The following CROCC2 variants were observed in gnomAD, a reference collection of about 807,000 sequenced individuals.
The protein encoded by CROCC2 is ciliary rootlet coiled-coil, rootletin family member 2.
Under a neutral mutation model 177.6 loss-of-function variants are expected in CROCC2, and 163 were observed. The ratio of observed to expected loss-of-function variants is 0.92; its 90% CI spans 0.81 to 1.05. The LOEUF (loss-of-function observed/expected upper bound fraction) is 1.05. Among genes scored for constraint, CROCC2 ranks in the 50% least tolerant of loss-of-function variants. The probability of loss-of-function intolerance (pLI) is 0.00; values close to 1 mark genes in which losing one functional copy is unlikely to be tolerated. For synonymous variants in CROCC2, 904 were observed against 787.3 expected, an observed-to-expected ratio of 1.15 and a Z score of -2.48; for missense variants, 1,929 against 1,797.8, an observed-to-expected ratio of 1.07 and a Z score of -1.32.
rs2059522714 is a variant in CROCC2 at position 240,946,161 on chromosome 2, T to G, written c.2271T>G (p.Asp757Glu). Residue 757 changes from aspartate (D) to glutamate (E), a missense_variant, in exon 15 of 32, where the codon GAT becomes GAG. Coordinates refer to ENST00000690015, the MANE Select transcript of CROCC2 (RefSeq NM_001351305.2). The stretch of plus-strand genomic sequence containing the variant: ...TGCAGCAAGCCCTGCAAGGAAAGGA[T>G]GCTCTGTCTGAGGAGCGGGCCCAGC... ...GTLQQALQGK[D>E]ALSEERAQLL... 1.3e-6 allele frequency: 2 copies of G among 1,548,744 alleles called. No homozygotes were observed. The highest frequency in any genetic ancestry group is 1.7e-6 in the Non-Finnish European group (2 of 1,145,452).
intron 22 of CROCC2, 129 bp downstream of exon 22, chr2:240,964,754 G>A: frequency 8.4e-7 from 1 of 1,184,514 alleles, no homozygotes; most frequent in Non-Finnish European, 1.2e-6. Flanking sequence ...CCAGACTTTG[G>A]GCCACGCCCT....
chr2:240,986,342 T>G (rs1421033613), intron 28 of CROCC2, among the ~76,000 whole-genome samples: 1 of 152,166 alleles, frequency 6.6e-6, no homozygotes, highest in Non-Finnish European at 1.5e-5. Context: ...TGGGCCCTGT[T>G]GCCCACTACC....
intron 1 of CROCC2, among the ~76,000 whole-genome samples, chr2:240,911,301 T>TTC (rs1169877107): frequency 6.8e-6 from 1 of 148,070 alleles, no homozygotes; most frequent in African/African-American, 2.5e-5. Context: ...CACAACTTTT[T>TTC]TTTTTTTTTT....
rs1322805962 is a variant in CROCC2, at chr2:240,965,391, T to C, written c.3476T>C (p.Leu1159Pro). ...GCCCCACGCTCCCAGGTGAGGACAC[T>C]GAAGGCCGAGAACCAGAGGAGGAGT... ...LRELHRQVRT[L>P]KAENQRRSGE... Residue 1159 changes from leucine to proline, a missense_variant, in exon 23 of 32, where the codon CTG (leucine) becomes CCG (proline). By Grantham distance (98) the Leu-to-Pro change is moderately conservative. Transcript: ENST00000690015. 1.9e-6 allele frequency: 3 copies of C among 1,549,418 alleles called. No individual in the cohort carries two copies. In the African/African-American group the frequency reaches 4.1e-5, roughly 21 times the overall value.
rs1341798921 is a variant in CROCC2, at chr2:240,961,808, CACAT to C, written c.3088-1744_3088-1741del. ...ACACACACGCACTCACACATACACTCACATACACTCACACACACGCACGCACACA... is the reference window on the plus strand; with the variant it reads ...ACACACACGCACTCACACATACACTCACACTCACACACACGCACGCACACA... On this transcript the variant is annotated intron_variant, in intron 20 of 31. Coordinates refer to ENST00000690015, the MANE Select transcript of CROCC2 (RefSeq NM_001351305.2). Among the ~76,000 whole-genome samples the C allele has an allele frequency of 5.4e-3, 399 of 74,218 alleles. 12 individuals are homozygous for C. The highest frequency in any genetic ancestry group is 0.015 in the East Asian group (42 of 2,874). 48.7% of individuals were successfully genotyped at this position (74,218 alleles called of 152,430 possible).
intron 17 of CROCC2, among the ~76,000 whole-genome samples, 188 bp from the exon 18 acceptor site, chr2:240,950,146 C>G (rs1179375197): frequency 6.6e-6 from 1 of 152,164 alleles, no homozygotes; most frequent in African/African-American, 2.4e-5. Flanking sequence ...GGTGCTGAGA[C>G]ACAGAGAGGC....
chr2:240,962,487 G>T (rs975844976), intron 20 of CROCC2, among the ~76,000 whole-genome samples: 1 of 152,124 alleles, frequency 6.6e-6, no homozygotes, highest in African/African-American at 2.4e-5. Flanking sequence ...CACGTGTGGG[G>T]GTGGAGGGGA....
At chr2:240,921,433 TGGGGAGGCCTTG>T (rs959868940) in intron 3 of CROCC2, among the ~76,000 whole-genome samples, 1 of 151,952 alleles carries the variant, frequency 6.6e-6, no homozygotes, top group African/African-American at 2.4e-5. Flanking sequence ...CCTACAGCTG[TGGGGAGGCCTTG>T]GGGGAGGCAT....
At chr2:240,983,201 C>T in intron 28 of CROCC2, 172 bp downstream of exon 28, 2 of 847,666 alleles carry the variant, frequency 2.4e-6, no homozygotes, top group Non-Finnish European at 1.8e-6. Flanking sequence ...CCATCCAGTC[C>T]CCCGCTGACA....
Position 240,934,930 on chromosome 2 carries a change from T to C in CROCC2, c.1806T>C (p.Asn602=). ...RSALARAECS[N]ADLELLVRRL... is the part of the protein sequence containing the mutation. ...CCCTGCCCCAGGCCGAGTGCAGCAA[T>C]GCGGACCTGGAGCTTCTTGTGAGGC... The change falls in exon 13 of 32, where the codon AAT becomes AAC. Residue 602 remains asparagine (N), a synonymous_variant. Coordinates refer to ENST00000690015, the MANE Select transcript of CROCC2 (RefSeq NM_001351305.2). The C allele has an allele frequency of 1.3e-6, 2 of 1,520,240 alleles. No individual in the cohort carries two copies. The highest frequency in any genetic ancestry group is 1.4e-5 in the African/African-American group (1 of 71,170). The allele number at this position is 1,520,240 out of a possible 1,614,324, so 94.2% of individuals were successfully genotyped here. A position where few individuals can be genotyped will look rare whatever the true frequency, so the allele number is the denominator to read the frequency against.
At chr2:240,913,294 A>G (rs1358509295) in intron 1 of CROCC2, among the ~76,000 whole-genome samples, 2 of 150,366 alleles carry the variant, frequency 1.3e-5, no homozygotes, top group Non-Finnish European at 3.0e-5. Flanking sequence ...CTCCACATGG[A>G]CACAGTGCCC....
At chr2:240,983,737 C>A in intron 28 of CROCC2, 2 of 711,706 alleles carry the variant, frequency 2.8e-6, no homozygotes, top group Admixed American at 2.7e-5. Context: ...CAGGTGGCCA[C>A]AGCCCTGCCA....
chr2:240,919,761 G>A (rs528425571), intron 2 of CROCC2, among the ~76,000 whole-genome samples: 1 of 106,160 alleles, frequency 9.4e-6, no homozygotes, highest in East Asian at 2.7e-4. Flanking sequence ...CGAGGTGGTA[G>A]GATTGCAGTT....
rs1204991241 is a variant in CROCC2, at chr2:240,928,140, C to A, written c.646-2026C>A. The stretch of plus-strand genomic sequence containing the variant: ...TGATTTTTTATTTTTTAACTAAGAG[C>A]TGCTTATTTTCCTTGGAACTCTGTG... On this transcript the variant is annotated intron_variant, in intron 5 of 31. Coordinates refer to ENST00000690015, the MANE Select transcript of CROCC2 (RefSeq NM_001351305.2). Among the ~76,000 whole-genome samples the A allele has an allele frequency of 2.6e-5, 4 of 152,094 alleles. No homozygotes were observed. In the East Asian group the frequency reaches 7.7e-4, roughly 29 times the overall value.
chr2:240,930,325 C>T (rs759521081), intron 6 of CROCC2, 56 bp downstream of exon 6: 26 of 475,720 alleles, frequency 5.5e-5, no homozygotes, highest in Non-Finnish European at 8.5e-5. Flanking sequence ...GAGCTGAAAC[C>T]CCCTTGGGGA....
In CROCC2 at chr2:240,949,192, T is replaced by A; in HGVS notation, c.2482+95T>A. ...CAGTGCCCACACGTGCTGCACCCCC[T>A]CTCCGGAGCCCACAGGGGCATGAAC... On this transcript the variant is annotated intron_variant, in intron 16 of 31. Transcript: ENST00000690015. This position sits in a 1 kb window ranked among gnomAD's most constrained non-coding sequence, Gnocchi z 4.5. The A allele has an allele frequency of 6.9e-7, 1 of 1,446,158 alleles. No individual in the cohort carries two copies. Among genetic ancestry groups the A allele is most frequent in the Non-Finnish European group, 9.1e-7 (1 of 1,104,432 alleles). 89.6% of individuals were successfully genotyped at this position (1,446,158 alleles called of 1,614,324 possible).
At position 240,946,117 on chromosome 2, in the gene CROCC2, G is replaced by C; in HGVS notation, c.2227G>C (p.Glu743Gln). 6.5e-7 allele frequency: 1 copy of C among 1,541,690 alleles called. No homozygotes were observed. The highest frequency in any genetic ancestry group is 8.8e-7 in the Non-Finnish European group (1 of 1,139,766). ...GCTGGCTCAGAGCCTGCAGGACCAG[G>C]AGGCCCAGATGGGCACTCTGCAGCA... ...EQLAQSLQDQ[E>Q]AQMGTLQQAL... The change falls in exon 15 of 32, where the codon GAG becomes CAG. Residue 743 changes from glutamate (E) to glutamine (Q), a missense_variant. Glu to Gln is a conservative substitution (Grantham distance 29). Transcript: ENST00000690015.
intron 20 of CROCC2, among the ~76,000 whole-genome samples, chr2:240,962,064 TCACAC>T (rs2059645714): frequency 2.8e-5 from 3 of 108,736 alleles, no homozygotes; most frequent in African/African-American, 1.3e-4. Context: ...ACACTCACAC[TCACAC>T]GCACTCACAC....
intron 20 of CROCC2, chr2:240,963,163 A>C: frequency 5.1e-6 from 1 of 196,964 alleles, no homozygotes; most frequent in Admixed American, 5.3e-5. Flanking sequence ...ACTGTCACCT[A>C]AGGAGAGGAC....
Sources: allele counts gnomAD v4.1 joint callset (sites outside exome capture counted in the v4.1 genomes callset), GRCh38; gene constraint gnomAD v4.1.1; non-coding constraint Gnocchi (gnomAD v3.1); transcripts MANE v1.5; gene names NCBI Gene and HGNC (gene_info 2026-07-23, HGNC 2026-07-21).